Variants in MC2R observed in about 807,000 individuals in gnomAD.
The protein encoded by MC2R is adrenocorticotropic hormone receptor.
A neutral mutation model predicts 9.8 loss-of-function variants in MC2R; 9 were observed. The observed-to-expected ratio is 0.92, with a 90% CI of 0.55 to 1.60. The LOEUF (loss-of-function observed/expected upper bound fraction) is 1.60. Among genes scored for constraint, MC2R ranks in the 40% most tolerant of loss-of-function variants. The probability of loss-of-function intolerance (pLI) is 0.00; values close to 1 mark genes in which losing one functional copy is unlikely to be tolerated. For missense variants in MC2R, 370 were observed against 389.0 expected, an observed-to-expected ratio of 0.95 and a Z score of 0.41; for synonymous variants, 185 against 154.7, an observed-to-expected ratio of 1.20 and a Z score of -1.45.
In MC2R at chr18:13,885,498, C is replaced by G; in HGVS notation, c.21G>C (p.Ser7=). The change falls in exon 2 of 2, where the codon TCG becomes TCC. Residue 7 remains serine, a synonymous_variant. Transcript: ENST00000327606. ...TTGCTGTGTTGTTGATGTTTTCATA[C>G]GAGTTGATAATGTGCTTCATTTCTC... MKHIIN[S]YENINNTARN... is the part of the protein sequence containing the mutation. The G allele has an allele frequency of 6.2e-7, 1 of 1,614,098 alleles. No individual in the cohort carries two copies. Among genetic ancestry groups the G allele is most frequent in the Non-Finnish European group, 8.5e-7 (1 of 1,180,032 alleles).
chr18:13,897,173 T>C (rs1235466055), intron 1 of MC2R, among the ~76,000 whole-genome samples: 4 of 152,088 alleles, frequency 2.6e-5, no homozygotes, highest in Non-Finnish European at 5.9e-5. Context: ...CCCCCAGTGG[T>C]AGCGTGGTGT....
intron 1 of MC2R, among the ~76,000 whole-genome samples, chr18:13,907,291 A>C (rs1396493113): frequency 6.6e-6 from 1 of 152,156 alleles, no homozygotes; most frequent in Non-Finnish European, 1.5e-5. Context: ...TTTTTCAGTA[A>C]ATGGTGCTGG....
rs770246742 is a variant in MC2R at position 13,884,722 on chromosome 18, A to G, written c.797T>C (p.Met266Thr). The change falls in exon 2 of 2, where the codon ATG becomes ACG. Residue 266 changes from methionine (M) to threonine (T), a missense_variant. Physicochemically the swap from Met to Thr is moderately conservative, Grantham distance 81. Coordinates refer to ENST00000327606, the MANE Select transcript of MC2R (RefSeq NM_000529.2). ...GAAGGGGTCAATGACGGCATTGCAC[A>G]TGATCAACATGCCGTTCACCTGGAA... ...SLFQVNGMLI[M>T]CNAVIDPFIY... 1.9e-6 allele frequency: 3 copies of G among 1,614,150 alleles called. No homozygotes were observed. Among genetic ancestry groups the G allele is most frequent in the Admixed American group, 3.3e-5 (2 of 60,024 alleles).
intron 1 of MC2R, among the ~76,000 whole-genome samples, chr18:13,895,584 C>G (rs1415223226): frequency 6.6e-6 from 1 of 152,130 alleles, no homozygotes; most frequent in Non-Finnish European, 1.5e-5. Context: ...CAGCTGAAAT[C>G]AGACCTCTTA....
chr18:13,905,292 C>A (rs1567902194), intron 1 of MC2R, among the ~76,000 whole-genome samples: 1 of 152,148 alleles, frequency 6.6e-6, no homozygotes, highest in Non-Finnish European at 1.5e-5. Context: ...AAGCTACCAT[C>A]CTGGCCAACA....
chr18:13,899,426 A>C (rs2149139987), intron 1 of MC2R, among the ~76,000 whole-genome samples: 1 of 152,282 alleles, frequency 6.6e-6, no homozygotes, highest in African/African-American at 2.4e-5. Flanking sequence ...GAGATAGAGA[A>C]AGAGATAAGG....
chr18:13,886,846 C>T (rs917192293), intron 1 of MC2R, among the ~76,000 whole-genome samples: 1 of 152,132 alleles, frequency 6.6e-6, no homozygotes, highest in Non-Finnish European at 1.5e-5. Context: ...GAGCCCATCA[C>T]GGCCTCACTC....
At chr18:13,901,636 A>G (rs1281890131) in intron 1 of MC2R, among the ~76,000 whole-genome samples, 1 of 152,160 alleles carries the variant, frequency 6.6e-6, no homozygotes, top group Non-Finnish European at 1.5e-5. Flanking sequence ...ATCTAGAAGA[A>G]ATTGACAAAT....
chr18:13,897,157 C>A (rs150785537), intron 1 of MC2R, among the ~76,000 whole-genome samples: 60 of 152,322 alleles, frequency 3.9e-4, no homozygotes, highest in African/African-American at 1.4e-3. Context: ...CACCACCCCC[C>A]CAAACCCCCC....
intron 1 of MC2R, among the ~76,000 whole-genome samples, chr18:13,905,251 ACATTTATGCGGC>A (rs1385757693): frequency 6.6e-6 from 1 of 152,210 alleles, no homozygotes; most frequent in East Asian, 1.9e-4. Flanking sequence ...TCAAAAGAAG[ACATTTATGCGGC>A]CAACAAACAA....
chr18:13,898,815 G>A (rs905308315), intron 1 of MC2R, among the ~76,000 whole-genome samples: 1 of 152,130 alleles, frequency 6.6e-6, no homozygotes, highest in Non-Finnish European at 1.5e-5. Context: ...AGTGTTACTG[G>A]GCTTGGAGTG....
intron 1 of MC2R, among the ~76,000 whole-genome samples, chr18:13,894,235 T>C (rs763052760): frequency 6.6e-6 from 1 of 152,110 alleles, no homozygotes; most frequent in Non-Finnish European, 1.5e-5. Flanking sequence ...AGGTGACCTT[T>C]TGTTCTTTAA....
intron 1 of MC2R, among the ~76,000 whole-genome samples, chr18:13,915,144 G>C (rs1468607609): frequency 6.6e-6 from 1 of 152,170 alleles, no homozygotes; most frequent in African/African-American, 2.4e-5. Flanking sequence ...AACTCCAGAA[G>C]TGATAATAGA....
chr18:13,888,210 C>A (rs1316391696), intron 1 of MC2R, among the ~76,000 whole-genome samples: 2 of 152,124 alleles, frequency 1.3e-5, no homozygotes, highest in East Asian at 3.9e-4. Context: ...TGACCTGCAG[C>A]TGCCAATCCT....
intron 1 of MC2R, among the ~76,000 whole-genome samples, chr18:13,894,852 A>C (rs2045337278): frequency 6.6e-6 from 1 of 152,196 alleles, no homozygotes; most frequent in African/African-American, 2.4e-5. Flanking sequence ...TTTAAGCCCA[A>C]ACAAGATCAA....
intron 1 of MC2R, among the ~76,000 whole-genome samples, chr18:13,909,209 A>T (rs1010820499): frequency 6.6e-6 from 1 of 152,172 alleles, no homozygotes; most frequent in African/African-American, 2.4e-5. Flanking sequence ...AATTGCCACA[A>T]TTGTGTGACA....
intron 1 of MC2R, among the ~76,000 whole-genome samples, chr18:13,892,817 C>T (rs2045323980): frequency 1.3e-5 from 2 of 148,768 alleles, no homozygotes; most frequent in Admixed American, 1.3e-4. Context: ...CACACACACA[C>T]ACACACACAC....
intron 1 of MC2R, among the ~76,000 whole-genome samples, chr18:13,906,637 T>TAGG (rs2045416201): frequency 6.6e-6 from 1 of 152,216 alleles, no homozygotes; most frequent in African/African-American, 2.4e-5. Flanking sequence ...TAGAAAAACT[T>TAGG]AGACTCCACC....
At chr18:13,892,316 A>T (rs2045319797) in intron 1 of MC2R, among the ~76,000 whole-genome samples, 1 of 151,888 alleles carries the variant, frequency 6.6e-6, no homozygotes, top group African/African-American at 2.4e-5. Context: ...ACTGGCTTTG[A>T]CTCAAACTTA....
Sources: gnomAD v4.1 joint callset for allele counts (sites outside exome capture counted in the v4.1 genomes callset) on GRCh38, gnomAD v4.1.1 for gene constraint, MANE v1.5 for transcripts, NCBI Gene and HGNC (gene_info 2026-07-23, HGNC 2026-07-21) for gene names.